HECW2: variants seen among roughly 807,000 people sequenced by gnomAD.
HECW2 encodes the protein E3 ubiquitin-protein ligase HECW2.
In HECW2, 61 loss-of-function variants were observed where a neutral mutation model predicts 175.2. The ratio of observed to expected loss-of-function variants is 0.35; its 90% CI spans 0.28 to 0.43. HECW2 has a LOEUF of 0.43. Ranked by LOEUF, HECW2 falls within the 20% of genes least tolerant of loss-of-function variation. The pLI is 1.00. For synonymous variants in HECW2, 671 were observed against 731.0 expected, an observed-to-expected ratio of 0.92 and a Z score of 1.32; for missense variants, 1,524 against 2,000.5, an observed-to-expected ratio of 0.76 and a Z score of 4.54.
chr2:196,264,496 G>C (rs981759141), intron 17 of HECW2, among the ~76,000 whole-genome samples: 8 of 152,148 alleles, frequency 5.3e-5, no homozygotes, highest in Non-Finnish European at 1.2e-4. Flanking sequence ...ACAATACTTT[G>C]GAGAAATATC....
intron 1 of HECW2, among the ~76,000 whole-genome samples, chr2:196,505,734 T>C (rs1261411897): frequency 6.6e-6 from 1 of 152,112 alleles, no homozygotes; most frequent in East Asian, 1.9e-4. Flanking sequence ...AAGAAAACAT[T>C]ATAGATTTAT....
At chr2:196,300,688 C>CTATACACA (rs1352757484) in intron 13 of HECW2, among the ~76,000 whole-genome samples, 3 of 121,368 alleles carry the variant, frequency 2.5e-5, no homozygotes, top group Admixed American at 7.8e-5. Context: ...ATATCTATAT[C>CTATACACA]TATATCTATA....
At chr2:196,451,476 ACC>A (rs1696346836) in intron 1 of HECW2, among the ~76,000 whole-genome samples, 1 of 151,806 alleles carries the variant, frequency 6.6e-6, no homozygotes, top group Admixed American at 6.6e-5. Context: ...TAAAGTTTAT[ACC>A]CAGAACTCAT....
intron 4 of HECW2, among the ~76,000 whole-genome samples, chr2:196,333,548 CTA>C (rs1442848091): frequency 6.6e-6 from 1 of 152,064 alleles, no homozygotes; most frequent in Non-Finnish European, 1.5e-5. Flanking sequence ...TGTAAAGATT[CTA>C]TGTCATAGGA....
rs1265999668 is a variant in HECW2, at chr2:196,378,468, T to C, written c.293-34704A>G. ...CCCAATTAGAATATTTTCAAAACCC[T>C]GCAATTCATTAGAACACATGAAAAT... On this transcript the variant is annotated intron_variant, in intron 2 of 28. Transcript: ENST00000644978. Among the ~76,000 whole-genome samples the C allele has an allele frequency of 2.6e-5, 4 of 152,270 alleles. No homozygotes were observed. The East Asian group carries it at 7.7e-4, about 29-fold the overall frequency.
chr2:196,522,994 GT>G (rs1206964837), intron 1 of HECW2, among the ~76,000 whole-genome samples: 1 of 151,868 alleles, frequency 6.6e-6, no homozygotes, highest in Non-Finnish European at 1.5e-5. Flanking sequence ...CTTTAAAGTA[GT>G]TTTTTCCAAT....
At chr2:196,432,237 T>TAA (rs558474252) in intron 2 of HECW2, among the ~76,000 whole-genome samples, 2 of 147,652 alleles carry the variant, frequency 1.4e-5, no homozygotes, top group African/African-American at 2.5e-5. Context: ...ATTTATTCGT[T>TAA]AAAAAAAAAA....
At chr2:196,378,129 A>G (rs1041670331) in intron 2 of HECW2, among the ~76,000 whole-genome samples, 1 of 152,188 alleles carries the variant, frequency 6.6e-6, no homozygotes, top group Admixed American at 6.5e-5. Context: ...CAGAGTGGTT[A>G]AAAACCCAAG....
chr2:196,572,910 C>T (rs757712068), intron 1 of HECW2, among the ~76,000 whole-genome samples: 5 of 152,170 alleles, frequency 3.3e-5, no homozygotes, highest in Non-Finnish European at 7.3e-5. Context: ...AAGTAAATAT[C>T]TGTTATTTAA....
At chr2:196,210,322 GA>G (rs1687232014) in intron 28 of HECW2, among the ~76,000 whole-genome samples, 1 of 151,940 alleles carries the variant, frequency 6.6e-6, no homozygotes, top group African/African-American at 2.4e-5. Flanking sequence ...AGAAATGAGT[GA>G]AATCACATAC....
intron 14 of HECW2, among the ~76,000 whole-genome samples, chr2:196,279,329 T>A (rs954493657): frequency 6.6e-6 from 1 of 152,216 alleles, no homozygotes; most frequent in Non-Finnish European, 1.5e-5. Context: ...ATTACAGGCG[T>A]GAGCCACCGC....
chr2:196,216,461 C>T (rs889777777), intron 27 of HECW2, among the ~76,000 whole-genome samples: 12 of 151,966 alleles, frequency 7.9e-5, no homozygotes, highest in Non-Finnish European at 1.5e-4. Flanking sequence ...CCAGAGACTT[C>T]CTTGTGTCTG....
At chr2:196,382,721 A>G (rs562105718) in intron 2 of HECW2, among the ~76,000 whole-genome samples, 5 of 152,288 alleles carry the variant, frequency 3.3e-5, no homozygotes, top group African/African-American at 9.6e-5. Flanking sequence ...CCTGGCTTTA[A>G]AAAGCATCTA....
At chr2:196,419,975 T>C (rs536766132) in intron 2 of HECW2, among the ~76,000 whole-genome samples, 2 of 152,338 alleles carry the variant, frequency 1.3e-5, no homozygotes, top group South Asian at 4.1e-4. Context: ...GTTCTGGTAA[T>C]GATTTTATGA....
At chr2:196,321,045 G>A (rs139811828) in intron 7 of HECW2, among the ~76,000 whole-genome samples, 13 of 152,342 alleles carry the variant, frequency 8.5e-5, no homozygotes, top group South Asian at 2.1e-4. Context: ...GGAGAGGACC[G>A]CTAAGCTCTC....
intron 16 of HECW2, among the ~76,000 whole-genome samples, chr2:196,271,803 C>T (rs1337818971): frequency 6.6e-6 from 1 of 152,144 alleles, no homozygotes; most frequent in Non-Finnish European, 1.5e-5. Flanking sequence ...GCTAATATTA[C>T]TTATACTCAA....
Position 196,253,930 on chromosome 2 carries a change from C to G in HECW2, c.3519G>C (p.Gln1173His), listed in dbSNP as rs1328984682. ...AGCAGGTGGACTCACCTGGCGAGTT[C>G]TGAGGAGATGACACGGGAGAGCCAC... Reference protein sequence around the residue: ...SPRGSPVSSPQNSPGTQRANA... With the variant: ...SPRGSPVSSPHNSPGTQRANA... Residue 1173 changes from glutamine to histidine, a missense_variant, in exon 19 of 29, where the codon CAG (glutamine) becomes CAC (histidine). This residue lies in a region of HECW2 where 291 missense variants were observed against 412.2 expected (regional missense o/e 0.71). Transcript: ENST00000644978. 6.2e-7 allele frequency: 1 copy of G among 1,613,952 alleles called. No individual in the cohort carries two copies. The highest frequency in any genetic ancestry group is 8.5e-7 in the Non-Finnish European group (1 of 1,179,888).
intron 3 of HECW2, 66 bp downstream of exon 3, chr2:196,343,591 C>A: frequency 1.0e-6 from 1 of 980,770 alleles, no homozygotes; most frequent in Non-Finnish European, 1.6e-6. Context: ...CAAAAAGACT[C>A]CATAGAATTC....
chr2:196,249,970 C>T (rs1688794850), intron 19 of HECW2, among the ~76,000 whole-genome samples: 1 of 152,226 alleles, frequency 6.6e-6, no homozygotes, highest in South Asian at 2.1e-4. Context: ...CCAATGATTA[C>T]TCATGTGCAT....
Sources: gnomAD v4.1 joint callset for allele counts (sites outside exome capture counted in the v4.1 genomes callset) on GRCh38, gnomAD v4.1.1 for gene constraint, gnomAD v4.1.1 regional missense constraint, MANE v1.5 for transcripts, NCBI Gene and HGNC (gene_info 2026-07-23, HGNC 2026-07-21) for gene names.